RTTN: variants seen among roughly 807,000 people sequenced by gnomAD.
RTTN encodes rotatin.
A neutral mutation model predicts 269.2 loss-of-function variants in RTTN; 182 were observed. The ratio of observed to expected loss-of-function variants is 0.68; its 90% CI spans 0.60 to 0.76. The LOEUF (loss-of-function observed/expected upper bound fraction) is 0.76. RTTN is among the 30% of genes least tolerant of loss of function. RTTN has a pLI of 0.00. For missense variants in RTTN, 2,545 were observed against 2,608.6 expected (o/e 0.98, Z 0.53); for synonymous variants, 1,006 against 963.5 (o/e 1.04, Z -0.82).
Position 70,049,429 on chromosome 18 carries a change from G to A in RTTN, c.5324-1241C>T, listed in dbSNP as rs142420502. Among the ~76,000 whole-genome samples, 131 of 152,092 alleles carry A rather than the reference G, an allele frequency of 8.6e-4. 1 individual carries two copies. The East Asian group carries it at 0.019, about 22-fold the overall frequency. On this transcript the variant is annotated intron_variant, in intron 39 of 48. Coordinates refer to ENST00000640769, the MANE Select transcript of RTTN (RefSeq NM_173630.4). Reference sequence around the variant, plus strand: ...TTTAAACAAAATAATGATATCCTACGTGGACACTGTACTCCATGGTAGACT... The same window carrying A: ...TTTAAACAAAATAATGATATCCTACATGGACACTGTACTCCATGGTAGACT...
intron 46 of RTTN, among the ~76,000 whole-genome samples, chr18:70,011,643 G>T (rs2056375340): frequency 1.3e-5 from 2 of 152,188 alleles, no homozygotes; most frequent in Non-Finnish European, 2.9e-5. Flanking sequence ...CACTGAATGG[G>T]CAAAAGCTGG....
At chr18:70,004,761 G>A (rs915875654) in intron 48 of RTTN, among the ~76,000 whole-genome samples, 3 of 152,198 alleles carry the variant, frequency 2.0e-5, no homozygotes, top group Non-Finnish European at 4.4e-5. Flanking sequence ...TGAATAATGT[G>A]CTTTGAAAAG....
At position 70,199,543 on chromosome 18, in the gene RTTN, A is replaced by G. The variant is rs2061898333; in HGVS notation, c.488-39T>C. On this transcript the variant is annotated intron_variant, in intron 4 of 48. Coordinates refer to ENST00000640769, the MANE Select transcript of RTTN (RefSeq NM_173630.4). ...AGCAAATCTTATGGTATCAAAGAAT[A>G]AAGAGATGACAGATTCACAATGTTA... is the stretch of plus-strand genomic sequence containing the variant. 3 of 1,338,912 alleles carry G rather than the reference A, an allele frequency of 2.2e-6. No individual in the cohort carries two copies. The East Asian group carries it at 6.9e-5, about 31-fold the overall frequency. The allele number at this position is 1,338,912 out of a possible 1,614,324, so 82.9% of individuals were successfully genotyped here.
intron 40 of RTTN, among the ~76,000 whole-genome samples, chr18:70,041,287 G>A (rs1282709665): frequency 6.6e-6 from 1 of 151,714 alleles, no homozygotes; most frequent in Non-Finnish European, 1.5e-5. Flanking sequence ...AGCAGGGTTG[G>A]GTCGGAGTTA....
At chr18:70,065,055 T>C (rs2058094448) in intron 35 of RTTN, among the ~76,000 whole-genome samples, 1 of 152,092 alleles carries the variant, frequency 6.6e-6, no homozygotes, top group Admixed American at 6.6e-5. Flanking sequence ...TAAAAACCAA[T>C]ATGGAACACT....
chr18:70,203,820 C>G (rs572309336), intron 3 of RTTN, among the ~76,000 whole-genome samples: 2 of 152,114 alleles, frequency 1.3e-5, no homozygotes, highest in South Asian at 4.2e-4. Context: ...TTGTTATTGC[C>G]AAAAAAATAA....
chr18:70,172,334 TG>T (rs1161366376), intron 11 of RTTN, among the ~76,000 whole-genome samples: 2 of 152,142 alleles, frequency 1.3e-5, no homozygotes, highest in Non-Finnish European at 2.9e-5. Context: ...ACTACCTACT[TG>T]GTCAGTGGCA....
At chr18:70,168,288 T>C in intron 12 of RTTN, among the ~76,000 whole-genome samples, 1 of 152,146 alleles carries the variant, frequency 6.6e-6, no homozygotes, top group East Asian at 1.9e-4. Flanking sequence ...ATTAACCCTT[T>C]CATTGATAAC....
In RTTN at chr18:70,092,124, C is replaced by G. The variant is rs1185594942; in HGVS notation, c.4129G>C (p.Asp1377His). ...TTCACACTCACCTCTGGGTCCCGAT[C>G]AACCCATAATGGAATCAACCAAGCC... ...GLAWLIPLWV[D>H]RDPEVRFTSL... The change falls in exon 30 of 49, where the codon GAT becomes CAT. Residue 1377 changes from aspartate (D) to histidine (H), a missense_variant. Transcript: ENST00000640769. The G allele has an allele frequency of 6.2e-7, 1 of 1,607,840 alleles. No homozygotes were observed. Among genetic ancestry groups the G allele is most frequent in the Admixed American group, 1.7e-5 (1 of 59,920 alleles).
At chr18:70,013,267 T>G (rs2056444980) in intron 46 of RTTN, among the ~76,000 whole-genome samples, 1 of 150,738 alleles carries the variant, frequency 6.6e-6, no homozygotes, top group South Asian at 2.1e-4. Context: ...AAGTGATGTT[T>G]TTAAATGTTG....
chr18:70,075,506 C>A lies in RTTN; in HGVS notation c.4410G>T (p.Ser1470=). The A allele has an allele frequency of 6.3e-7, 1 of 1,596,660 alleles. No individual in the cohort carries two copies. The highest frequency in any genetic ancestry group is 1.8e-5 in the Admixed American group (1 of 56,858). The change falls in exon 33 of 49, where the codon TCG becomes TCT. Residue 1470 remains serine, a synonymous_variant. Transcript: ENST00000640769. ...PCVHDEDSGL[S]LIGKPALQAL... ...CCTGAAGGGCAGGTTTTCCAATGAG[C>A]GATAGGCCAGAGTCCTCATCATGAA... is the stretch of plus-strand genomic sequence containing the variant.
chr18:70,013,390 CAT>C (rs1491274532), intron 46 of RTTN, among the ~76,000 whole-genome samples: 1 of 149,410 alleles, frequency 6.7e-6, no homozygotes, highest in African/African-American at 2.5e-5. Flanking sequence ...TGTATATATA[CAT>C]ATGTGTGTGT....
chr18:70,098,793 C>T (rs1462991388), intron 28 of RTTN, among the ~76,000 whole-genome samples: 1 of 152,116 alleles, frequency 6.6e-6, no homozygotes, highest in Non-Finnish European at 1.5e-5. Flanking sequence ...TCCCTCCACC[C>T]TCCTCCTACC....
Position 70,193,328 on chromosome 18 carries a change from G to A in RTTN, c.967C>T (p.Pro323Ser), listed in dbSNP as rs776723653. The A allele has an allele frequency of 2.5e-6, 4 of 1,611,308 alleles. No homozygotes were observed. The South Asian group carries it at 3.3e-5, about 13-fold the overall frequency. Residue 323 changes from proline to serine, a missense_variant, in exon 8 of 49, where the codon CCC becomes TCC. Physicochemically the swap from Pro to Ser is moderately conservative, Grantham distance 74. Coordinates refer to ENST00000640769, the MANE Select transcript of RTTN (RefSeq NM_173630.4). ...TCCCAGTCCTGGCCATCTCCTCTGG[G>A]TCGCTGGCCTGTGCGCCCAACCACA... ...PSVVGRTGQRPRGDGQDWDAA... is the reference protein window; with the variant it reads ...PSVVGRTGQRSRGDGQDWDAA...
intron 11 of RTTN, among the ~76,000 whole-genome samples, 160 bp from the exon 12 acceptor site, chr18:70,169,227 C>T (rs2061072540): frequency 6.6e-6 from 1 of 152,158 alleles, no homozygotes; most frequent in Non-Finnish European, 1.5e-5. Context: ...CATTTCCCAA[C>T]ACATCATCTA....
intron 28 of RTTN, among the ~76,000 whole-genome samples, chr18:70,105,038 C>A (rs550526175): frequency 6.6e-6 from 1 of 152,238 alleles, no homozygotes; most frequent in African/African-American, 2.4e-5. Flanking sequence ...CAGACAGGGA[C>A]GTTTAAGTCT....
chr18:70,055,272 GATATTCTGAAAT>G (rs2057784570), intron 37 of RTTN, among the ~76,000 whole-genome samples: 1 of 151,950 alleles, frequency 6.6e-6, no homozygotes, highest in Non-Finnish European at 1.5e-5. Flanking sequence ...ATTTTATAAA[GATATTCTGAAAT>G]CAGTCATTCT....
At chr18:70,087,830 T>C (rs1372334811) in intron 31 of RTTN, among the ~76,000 whole-genome samples, 159 bp downstream of exon 31, 1 of 152,212 alleles carries the variant, frequency 6.6e-6, no homozygotes, top group East Asian at 1.9e-4. Context: ...TGTGCATGAA[T>C]ACCTTTTAAA....
intron 46 of RTTN, among the ~76,000 whole-genome samples, chr18:70,016,407 A>G (rs1043901504): frequency 3.3e-5 from 5 of 152,134 alleles, no homozygotes; most frequent in Admixed American, 2.6e-4. Context: ...AACCAAGAAG[A>G]GTGGGCTTCT....
Sources: allele counts gnomAD v4.1 joint callset (sites outside exome capture counted in the v4.1 genomes callset), GRCh38; gene constraint gnomAD v4.1.1; transcripts MANE v1.5; gene names NCBI Gene and HGNC (gene_info 2026-07-23, HGNC 2026-07-21).